Variants in MDGA2 observed in about 807,000 individuals in gnomAD.
MDGA2 encodes MAM domain containing glycosylphosphatidylinositol anchor 2, also known as MAM domain-containing glycosylphosphatidylinositol anchor protein 2.
MDGA2 carries 40 observed loss-of-function variants against 117.8 expected under a neutral mutation model. The observed-to-expected ratio is 0.34, with a 90% CI of 0.26 to 0.44. MDGA2 has a LOEUF of 0.44. Ranked by LOEUF, MDGA2 falls within the 20% of genes least tolerant of loss-of-function variation. The pLI is 1.00. For synonymous variants in MDGA2, 452 were observed against 439.0 expected (o/e 1.03, Z -0.37); for missense variants, 1,123 against 1,250.6 (o/e 0.90, Z 1.54).
chr14:47,142,603 AAATT>A, intron 4 of MDGA2, among the ~76,000 whole-genome samples: 1 of 152,358 alleles, frequency 6.6e-6, no homozygotes, highest in South Asian at 2.1e-4. Context: ...TTTTAAAAAT[AAATT>A]GACAATAGAA....
chr14:47,498,568 A>C (rs550616299), intron 1 of MDGA2, among the ~76,000 whole-genome samples: 1 of 152,274 alleles, frequency 6.6e-6, no homozygotes, highest in South Asian at 2.1e-4. Context: ...CATACTTTTG[A>C]GTGAACACAC....
Position 46,864,085 on chromosome 14 carries a change from A to G in MDGA2, c.2753-8931T>C, listed in dbSNP as rs1260846981. 8.5e-4 allele frequency among the ~76,000 whole-genome samples: 20 copies of G among 23,538 alleles called. No homozygotes were observed. In the South Asian group the frequency reaches 0.028, roughly 33 times the overall value. The allele number at this position is 23,538 out of a possible 152,430, so 15.4% of individuals were successfully genotyped here. A position where few individuals can be genotyped will look rare whatever the true frequency, so the allele number is the denominator to read the frequency against. ...CCCCCCTCCCCCCACCCCCCACCCC[A>G]CAACAGTGAAAAGCCAAAGCTAATT... On this transcript the variant is annotated intron_variant, in intron 14 of 16. Transcript: ENST00000399232.
At chr14:47,275,662 T>C (rs1888288591) in intron 2 of MDGA2, among the ~76,000 whole-genome samples, 1 of 152,148 alleles carries the variant, frequency 6.6e-6, no homozygotes, top group African/African-American at 2.4e-5. Context: ...TTAATAATAT[T>C]GCTAACTATA....
intron 1 of MDGA2, among the ~76,000 whole-genome samples, chr14:47,351,678 G>A (rs567531621): frequency 1.3e-5 from 2 of 152,094 alleles, no homozygotes; most frequent in African/African-American, 4.8e-5. Context: ...TCCATTATAA[G>A]TTTCATGTTA....
At chr14:47,067,298 C>A (rs892136810) in intron 6 of MDGA2, among the ~76,000 whole-genome samples, 2 of 152,136 alleles carry the variant, frequency 1.3e-5, no homozygotes, top group African/African-American at 4.8e-5. Flanking sequence ...GGACTAGCAT[C>A]CCAGAGAATA....
At chr14:47,578,628 T>C (rs1002522547) in intron 1 of MDGA2, among the ~76,000 whole-genome samples, 1 of 152,112 alleles carries the variant, frequency 6.6e-6, no homozygotes, top group Non-Finnish European at 1.5e-5. Flanking sequence ...TCTCAAATAA[T>C]GGAAAAACAG....
intron 8 of MDGA2, among the ~76,000 whole-genome samples, chr14:47,019,595 G>A (rs1266592619): frequency 1.3e-5 from 2 of 152,124 alleles, no homozygotes; most frequent in South Asian, 2.1e-4. Context: ...TGTAATCCCA[G>A]CACTTTGGAA....
chr14:47,059,160 G>A (rs1889788763), intron 7 of MDGA2: 1 of 825,028 alleles, frequency 1.2e-6, no homozygotes, highest in Non-Finnish European at 1.6e-6. Context: ...GCATAAATTA[G>A]TCATTTTGTT....
chr14:46,938,248 A>G (rs572673707), intron 9 of MDGA2, among the ~76,000 whole-genome samples: 1 of 152,130 alleles, frequency 6.6e-6, no homozygotes, highest in South Asian at 2.1e-4. Context: ...CCACAGTAAG[A>G]TATCATCCGG....
At chr14:47,375,000 G>A (rs1483699215) in intron 1 of MDGA2, among the ~76,000 whole-genome samples, 1 of 151,752 alleles carries the variant, frequency 6.6e-6, no homozygotes, top group East Asian at 1.9e-4. Context: ...TAATTTTGAA[G>A]TCAAATATAG....
chr14:46,941,798 C>G (rs573241271), intron 9 of MDGA2, among the ~76,000 whole-genome samples: 18 of 152,258 alleles, frequency 1.2e-4, no homozygotes, highest in Admixed American at 8.5e-4. Context: ...AGTTTCTTTT[C>G]TCTCAGAGGA....
At chr14:47,192,871 A>G (rs533453326) in intron 3 of MDGA2, among the ~76,000 whole-genome samples, 4 of 152,318 alleles carry the variant, frequency 2.6e-5, no homozygotes, top group Middle Eastern at 3.4e-3. Flanking sequence ...AGTCATGTAT[A>G]AAAACAGATT....
At chr14:47,509,282 G>T (rs1476094352) in intron 1 of MDGA2, among the ~76,000 whole-genome samples, 1 of 152,180 alleles carries the variant, frequency 6.6e-6, no homozygotes. Flanking sequence ...AGTATATTTT[G>T]TAAAACCCTT....
At chr14:47,154,246 T>A (rs1043295212) in intron 3 of MDGA2, among the ~76,000 whole-genome samples, 1 of 152,194 alleles carries the variant, frequency 6.6e-6, no homozygotes. Context: ...GAAATAGCTA[T>A]TTTTTAGTAA....
chr14:47,119,189 C>T (rs1231290300), intron 5 of MDGA2, among the ~76,000 whole-genome samples: 1 of 58,512 alleles, frequency 1.7e-5, no homozygotes, highest in Non-Finnish European at 4.2e-5. Context: ...CCCCCCCCCA[C>T]CCCGTAGCTG....
intron 5 of MDGA2, among the ~76,000 whole-genome samples, chr14:47,118,756 AG>A (rs1881464385): frequency 6.6e-6 from 1 of 152,138 alleles, no homozygotes; most frequent in Non-Finnish European, 1.5e-5. Flanking sequence ...CAACAAAAAA[AG>A]GTCTCTCACT....
chr14:46,981,798 G>T (rs1886682433), intron 8 of MDGA2, among the ~76,000 whole-genome samples: 2 of 152,106 alleles, frequency 1.3e-5, no homozygotes, highest in Admixed American at 6.6e-5. Context: ...GAGGGGCTGG[G>T]ACTAAAAATC....
Position 47,077,925 on chromosome 14 carries a change from A to G in MDGA2, c.1196-16347T>C, listed in dbSNP as rs546291358. ...GATAGAGTGATGAATAATATCTTTG[A>G]AAACTCTCTTACAACAAACAAGAAA... is the stretch of plus-strand genomic sequence containing the variant. On this transcript the variant is annotated intron_variant, in intron 6 of 16. Coordinates refer to ENST00000399232, the MANE Select transcript of MDGA2 (RefSeq NM_001113498.3). Among the ~76,000 whole-genome samples the G allele has an allele frequency of 7.4e-4, 113 of 152,252 alleles. 1 individual carries two copies. The highest frequency in any genetic ancestry group is 2.6e-3 in the African/African-American group (110 of 41,574).
chr14:47,031,679 G>T (rs1198096917), intron 8 of MDGA2, among the ~76,000 whole-genome samples: 1 of 152,182 alleles, frequency 6.6e-6, no homozygotes, highest in Non-Finnish European at 1.5e-5. Context: ...TAGGTGATTG[G>T]ATCTTGGTGT....
Sources: allele counts gnomAD v4.1 joint callset (sites outside exome capture counted in the v4.1 genomes callset), GRCh38; gene constraint gnomAD v4.1.1; transcripts MANE v1.5; gene names NCBI Gene and HGNC (gene_info 2026-07-23, HGNC 2026-07-21).